DNAJA3: variants seen among roughly 807,000 people sequenced by gnomAD.
DNAJA3 encodes the protein dnaJ homolog subfamily A member 3, mitochondrial.
DNAJA3 carries 29 observed loss-of-function variants against 54.9 expected under a neutral mutation model. That is an observed-to-expected ratio of 0.53 (90% CI 0.39 to 0.72). DNAJA3 has a LOEUF of 0.72. Among genes scored for constraint, DNAJA3 ranks in the 30% least tolerant of loss-of-function variants. DNAJA3 has a pLI of 0.00. For synonymous variants in DNAJA3, 302 were observed against 251.4 expected (o/e 1.20, Z -1.90); for missense variants, 708 against 639.4 (o/e 1.11, Z -1.16).
intron 10 of DNAJA3, among the ~76,000 whole-genome samples, chr16:4,454,197 T>G (rs1030407762): frequency 3.3e-5 from 5 of 152,202 alleles, no homozygotes; most frequent in African/African-American, 1.2e-4. Context: ...GACTCCCACA[T>G]GGGCTGTTCT....
intron 10 of DNAJA3, among the ~76,000 whole-genome samples, chr16:4,453,711 C>T (rs1032325726): frequency 2.6e-5 from 4 of 152,298 alleles, no homozygotes; most frequent in Non-Finnish European, 5.9e-5. Context: ...GGATTACAGG[C>T]GTGAGCCACT....
chr16:4,441,039 T>A, intron 3 of DNAJA3: 1 of 353,608 alleles, frequency 2.8e-6, no homozygotes, highest in Non-Finnish European at 5.1e-6. Flanking sequence ...CGAGGTAATG[T>A]CCCCTGAGGA....
intron 10 of DNAJA3, among the ~76,000 whole-genome samples, chr16:4,451,474 C>T (rs778302608): frequency 2.6e-5 from 4 of 151,706 alleles, no homozygotes; most frequent in East Asian, 1.9e-4. Flanking sequence ...AAGCAGCTGC[C>T]GGCCGGGCGC....
rs746711710 is a variant in DNAJA3 at position 4,447,001 on chromosome 16, C to T, written c.1112C>T (p.Thr371Met). 28 of 1,613,600 alleles carry T rather than the reference C, an allele frequency of 1.7e-5. No individual in the cohort carries two copies. Among genetic ancestry groups the T allele is most frequent in the South Asian group, 1.2e-4 (11 of 91,046 alleles). ...GTARAQGLYE[T>M]INVTIPPGTQ... is the part of the protein sequence containing the mutation. The stretch of plus-strand genomic sequence containing the variant: ...GCCAGAGCCCAGGGCCTGTACGAGA[C>T]GATCAACGTGACGGTAAGAGGGTGT... The change falls in exon 8 of 12, where the codon ACG becomes ATG. Residue 371 changes from threonine to methionine, a missense_variant. By Grantham distance (81) the Thr-to-Met change is moderately conservative. Coordinates refer to ENST00000262375, the MANE Select transcript of DNAJA3 (RefSeq NM_005147.6).
Position 4,429,108 on chromosome 16 carries a change from C to T in DNAJA3, c.211+3016C>T, listed in dbSNP as rs376143935. The stretch of plus-strand genomic sequence containing the variant: ...TTTCACTGTGTTAGCCAGGACGTCT[C>T]GATCTCCTGACCTCGTGATCCACCC... On this transcript the variant is annotated intron_variant, in intron 1 of 11. Coordinates refer to ENST00000262375, the MANE Select transcript of DNAJA3 (RefSeq NM_005147.6). Among the ~76,000 whole-genome samples the T allele has an allele frequency of 2.3e-4, 35 of 151,974 alleles. No homozygotes were observed. In the East Asian group the frequency reaches 5.8e-3, roughly 25 times the overall value.
At chr16:4,450,239 C>A (rs2056960730) in intron 9 of DNAJA3, 161 bp from the exon 10 acceptor site, 2 of 565,200 alleles carry the variant, frequency 3.5e-6, no homozygotes, top group Non-Finnish European at 6.3e-6. Flanking sequence ...GCTTTGAGGG[C>A]ATGGTCCTTA....
At position 4,441,909 on chromosome 16, in the gene DNAJA3, G is replaced by C. The variant is rs545107028; in HGVS notation, c.630+334G>C. 3.9e-5 allele frequency among the ~76,000 whole-genome samples: 6 copies of C among 152,226 alleles called. No homozygotes were observed. In the South Asian group the frequency reaches 1.2e-3, roughly 32 times the overall value. ...GCACTGCTGATCCTCTCTCATTTAT[G>C]TCCTTATAAGACACTGTCAGAGTGG... On this transcript the variant is annotated intron_variant, in intron 4 of 11. Coordinates refer to ENST00000262375, the MANE Select transcript of DNAJA3 (RefSeq NM_005147.6).
intron 1 of DNAJA3, among the ~76,000 whole-genome samples, chr16:4,432,912 C>G (rs1726907901): frequency 1.3e-5 from 2 of 151,990 alleles, no homozygotes; most frequent in South Asian, 4.1e-4. Context: ...GAGGTCGAGG[C>G]AGGCGGATCA....
chr16:4,453,020 A>G (rs1393593564), intron 10 of DNAJA3, among the ~76,000 whole-genome samples: 6 of 152,228 alleles, frequency 3.9e-5, no homozygotes, highest in African/African-American at 1.4e-4. Flanking sequence ...TACAGGACAT[A>G]TAATTCTCAT....
In DNAJA3 at chr16:4,427,389, T is replaced by G. The variant is rs144510090; in HGVS notation, c.211+1297T>G. The G allele has an allele frequency of 1.8e-3, 275 of 152,344 alleles. 1 individual carries two copies. Among genetic ancestry groups the G allele is most frequent in the African/African-American group, 6.3e-3 (264 of 41,598 alleles). 9.4% of individuals were successfully genotyped at this position (152,344 alleles called of 1,614,324 possible). A position where few individuals can be genotyped will look rare whatever the true frequency, so the allele number is the denominator to read the frequency against. ...TAATTTATACCAACTAACTTCCTGT[T>G]GCAATCCAGTTTGTAATAGTTACAT... On this transcript the variant is annotated intron_variant, in intron 1 of 11. Transcript: ENST00000262375.
chr16:4,444,488 C>T lies in DNAJA3; in HGVS notation c.932-176C>T, dbSNP rs532142213. ...CCTCCTGAGTAGCTGGGACTACAGGCGTGTGCCACCACGCCCAGTTAATTT... is the reference window on the plus strand; with the variant it reads ...CCTCCTGAGTAGCTGGGACTACAGGTGTGTGCCACCACGCCCAGTTAATTT... On this transcript the variant is annotated intron_variant, in intron 6 of 11. Transcript: ENST00000262375. 1.8e-3 allele frequency among the ~76,000 whole-genome samples: 271 copies of T among 152,042 alleles called. 1 individual carries two copies. The highest frequency in any genetic ancestry group is 6.0e-3 in the African/African-American group (249 of 41,464).
At chr16:4,444,039 G>C (rs1186711184) in intron 6 of DNAJA3, among the ~76,000 whole-genome samples, 2 of 152,148 alleles carry the variant, frequency 1.3e-5, no homozygotes, top group African/African-American at 4.8e-5. Context: ...CATTTCCATT[G>C]AAGAGCATGT....
intron 2 of DNAJA3, among the ~76,000 whole-genome samples, chr16:4,435,772 G>C (rs988232777): frequency 3.9e-5 from 6 of 152,226 alleles, no homozygotes; most frequent in Admixed American, 1.3e-4. Flanking sequence ...ATCATGAACA[G>C]TGCTGCTATA....
chr16:4,442,554 C>A (rs751829102), intron 5 of DNAJA3, 134 bp downstream of exon 5: 1 of 1,126,286 alleles, frequency 8.9e-7, no homozygotes, highest in Non-Finnish European at 1.2e-6. Flanking sequence ...TGTCTTTCCC[C>A]CGTGACCCTG....
chr16:4,439,560 G>A (rs1207977606), intron 3 of DNAJA3, among the ~76,000 whole-genome samples: 1 of 152,246 alleles, frequency 6.6e-6, no homozygotes, highest in African/African-American at 2.4e-5. Context: ...TGTTATTCTT[G>A]TGAATGTGTT....
At chr16:4,437,974 A>C (rs2056792211) in intron 3 of DNAJA3, among the ~76,000 whole-genome samples, 1 of 152,028 alleles carries the variant, frequency 6.6e-6, no homozygotes, top group East Asian at 1.9e-4. Flanking sequence ...AAAAATTAAA[A>C]AAAAAACAAA....
Position 4,455,578 on chromosome 16 carries a change from C to T in DNAJA3, c.*46C>T, listed in dbSNP as rs1220782494. ...ATCCACTGGAAACTAGGCCGGGAAG[C>T]AGCAGCCCCTCCAAGGGCCAGGGCA... On this transcript the variant is annotated 3_prime_UTR_variant, in exon 12 of 12. Coordinates refer to ENST00000262375, the MANE Select transcript of DNAJA3 (RefSeq NM_005147.6). 1.9e-6 allele frequency: 3 copies of T among 1,551,790 alleles called. No homozygotes were observed. In the Admixed American group the frequency reaches 5.9e-5, roughly 30 times the overall value.
Position 4,450,825 on chromosome 16 carries a change from C to G in DNAJA3, c.1339+328C>G, listed in dbSNP as rs1345259609. ...ACTTGCCCTGTGACCTCGGACAAAT[C>G]CTTCCCTGAGAGCTCCTGGCAAAAG... On this transcript the variant is annotated intron_variant, in intron 10 of 11. Transcript: ENST00000262375. 3.3e-5 allele frequency among the ~76,000 whole-genome samples: 5 copies of G among 152,214 alleles called. No individual in the cohort carries two copies. The East Asian group carries it at 5.8e-4, about 18-fold the overall frequency.
In DNAJA3 at chr16:4,443,075, G is replaced by A. The variant is rs747052248; in HGVS notation, c.842G>A (p.Arg281His). The A allele has an allele frequency of 1.8e-5, 29 of 1,613,770 alleles. No individual in the cohort carries two copies. Among genetic ancestry groups the A allele is most frequent in the East Asian group, 1.1e-4 (5 of 44,868 alleles). Residue 281 changes from arginine to histidine, a missense_variant, in exon 6 of 12, where the codon CGC becomes CAC. Coordinates refer to ENST00000262375, the MANE Select transcript of DNAJA3 (RefSeq NM_005147.6). ...MRSTCRRCGG[R>H]GSIIISPCVV... ...TCCACGTGTAGGAGATGTGGTGGCC[G>A]CGGCTCCATCATCATATCGCCCTGT...
Sources: allele counts gnomAD v4.1 joint callset (sites outside exome capture counted in the v4.1 genomes callset), GRCh38; gene constraint gnomAD v4.1.1; transcripts MANE v1.5; gene names NCBI Gene and HGNC (gene_info 2026-07-23, HGNC 2026-07-21).